The following PLCG2 variants were observed in gnomAD, a reference collection of about 807,000 sequenced individuals.
The protein encoded by PLCG2 is phospholipase C gamma 2.
PLCG2 carries 69 observed loss-of-function variants against 175.6 expected under a neutral mutation model. The observed-to-expected ratio is 0.39, with a 90% CI of 0.32 to 0.48. The LOEUF (loss-of-function observed/expected upper bound fraction) is 0.48. Ranked by LOEUF, PLCG2 falls within the 20% of genes least tolerant of loss-of-function variation. The pLI is 0.91. For missense variants in PLCG2, 1,798 were observed against 1,650.9 expected (o/e 1.09, Z -1.54); for synonymous variants, 827 against 624.0 (o/e 1.33, Z -4.85).
chr16:81,924,162 C>T (rs1415780166), intron 22 of PLCG2, among the ~76,000 whole-genome samples: 2 of 152,186 alleles, frequency 1.3e-5, no homozygotes, highest in African/African-American at 4.8e-5. Flanking sequence ...GTTTAGTTAC[C>T]ACTTCGCTTT....
At chr16:81,884,350 CAG>C (rs1908247184) in intron 9 of PLCG2, among the ~76,000 whole-genome samples, 1 of 150,560 alleles carries the variant, frequency 6.6e-6, no homozygotes, top group African/African-American at 2.4e-5. Context: ...GACTCCGTCT[CAG>C]AAAACAAAAA....
intron 2 of PLCG2, among the ~76,000 whole-genome samples, chr16:81,812,953 T>A (rs1904382487): frequency 6.6e-6 from 1 of 152,230 alleles, no homozygotes; most frequent in South Asian, 2.1e-4. Flanking sequence ...GTTGCTTGTT[T>A]TTGTCAAGTT....
intron 30 of PLCG2, among the ~76,000 whole-genome samples, chr16:81,944,524 G>A (rs151005698): frequency 3.2e-4 from 49 of 152,338 alleles, no homozygotes; most frequent in African/African-American, 1.1e-3. Context: ...ATTCAGTGTT[G>A]TGTGATCATA....
At position 81,750,663 on chromosome 16, in the gene PLCG2, A is replaced by ATTTTTTTTTTTTTTTTTTTTT. The variant is rs543220131; in HGVS notation, c.-144-5205_-144-5185dup. On this transcript the variant is annotated intron_variant, in intron 1 of 5. Transcript: ENST00000565054. The stretch of plus-strand genomic sequence containing the variant: ...TTAAAAAGCAGAATGGGGACTGGAG[A>ATTTTTTTTTTTTTTTTTTTTT]TTTTTTTTTTTTTTTTTTTTTTGAG... Among the ~76,000 whole-genome samples the ATTTTTTTTTTTTTTTTTTTTT allele has an allele frequency of 3.4e-4, 23 of 68,462 alleles. 7 individuals are homozygous for ATTTTTTTTTTTTTTTTTTTTT. Among genetic ancestry groups the ATTTTTTTTTTTTTTTTTTTTT allele is most frequent in the South Asian group, 1.4e-3 (2 of 1,432 alleles). The allele number at this position is 68,462 out of a possible 152,430, so 44.9% of individuals were successfully genotyped here.
intron 30 of PLCG2, among the ~76,000 whole-genome samples, chr16:81,940,272 G>C (rs1910886386): frequency 6.6e-6 from 1 of 152,156 alleles, no homozygotes; most frequent in South Asian, 2.1e-4. Flanking sequence ...CCCTCAAAGT[G>C]GGATGTTTAC....
rs1016764190 is a variant in PLCG2, at chr16:81,937,816, T to A, written c.3111T>A (p.Val1037=). The change falls in exon 28 of 33, where the codon GTT becomes GTA. Residue 1037 remains valine, a synonymous_variant. Coordinates refer to ENST00000564138, the MANE Select transcript of PLCG2 (RefSeq NM_002661.5). Reference sequence around the variant, plus strand: ...CTCTCAATGGGCGCACGGGCTACGTTCTGCAGCCTGAGAGCATGAGGACAG... The same window carrying A: ...CTCTCAATGGGCGCACGGGCTACGTACTGCAGCCTGAGAGCATGAGGACAG... ...LFSLNGRTGY[V]LQPESMRTEK... is the part of the protein sequence containing the mutation. 1.2e-6 allele frequency: 2 copies of A among 1,613,744 alleles called. No homozygotes were observed. Among genetic ancestry groups the A allele is most frequent in the African/African-American group, 1.3e-5 (1 of 74,916 alleles).
intron 14 of PLCG2, 37 bp downstream of exon 14, chr16:81,900,817 A>G (rs1304893422): frequency 4.4e-6 from 7 of 1,573,978 alleles, no homozygotes; most frequent in Non-Finnish European, 6.1e-6. Flanking sequence ...CTGTCCAGGG[A>G]GCCCAGTGGC....
chr16:81,815,875 A>G (rs570382771), intron 2 of PLCG2, among the ~76,000 whole-genome samples: 1 of 152,066 alleles, frequency 6.6e-6, no homozygotes, highest in East Asian at 1.9e-4. Flanking sequence ...AGCCCGGCCA[A>G]CATTGTGAAA....
At chr16:81,748,038 CT>C (rs1287481567) in intron 1 of PLCG2, among the ~76,000 whole-genome samples, 9 of 152,248 alleles carry the variant, frequency 5.9e-5, no homozygotes, top group African/African-American at 1.9e-4. Context: ...GCACACTCAG[CT>C]AATTTTTGTA....
rs111563675 is a variant in PLCG2 at position 81,866,451 on chromosome 16, C to A, written c.480-2763C>A. Among the ~76,000 whole-genome samples the A allele has an allele frequency of 1.1e-4, 8 of 73,054 alleles. 2 individuals carry two copies. The highest frequency in any genetic ancestry group is 1.3e-4 in the Non-Finnish European group (4 of 30,598). The allele number at this position is 73,054 out of a possible 152,430, so 47.9% of individuals were successfully genotyped here. Reference sequence around the variant, plus strand: ...CCACTGGGGCACCAGCATGAGAGGACGCTAGCCTCTCCCTTTCTCCCAGGA... The same window carrying A: ...CCACTGGGGCACCAGCATGAGAGGAAGCTAGCCTCTCCCTTTCTCCCAGGA... On this transcript the variant is annotated intron_variant, in intron 5 of 32. Coordinates refer to ENST00000564138, the MANE Select transcript of PLCG2 (RefSeq NM_002661.5).
At position 81,936,967 on chromosome 16, in the gene PLCG2, T is replaced by G. The variant is rs1487191889; in HGVS notation, c.3052+589T>G. On this transcript the variant is annotated intron_variant, in intron 27 of 32. Coordinates refer to ENST00000564138, the MANE Select transcript of PLCG2 (RefSeq NM_002661.5). The stretch of plus-strand genomic sequence containing the variant: ...GGCACATGTAGGTATTCCCCATTAT[T>G]TGCTGTCATAGACAGCACTGCCTTC... Among the ~76,000 whole-genome samples the G allele has an allele frequency of 2.0e-5, 3 of 152,314 alleles. No individual in the cohort carries two copies. In the South Asian group the frequency reaches 6.2e-4, roughly 32 times the overall value.
At chr16:81,830,804 G>A (rs910206381) in intron 2 of PLCG2, among the ~76,000 whole-genome samples, 2 of 151,980 alleles carry the variant, frequency 1.3e-5, no homozygotes, top group African/African-American at 4.8e-5. Flanking sequence ...AGTGGAGGGG[G>A]ATGGGAAGGG....
Position 81,917,095 on chromosome 16 carries a change from A to G in PLCG2, c.2055-2389A>G, listed in dbSNP as rs1909875966. 1.3e-5 allele frequency among the ~76,000 whole-genome samples: 2 copies of G among 152,038 alleles called. 1 individual carries two copies. The highest frequency in any genetic ancestry group is 1.3e-4 in the Admixed American group (2 of 15,266). On this transcript the variant is annotated intron_variant, in intron 19 of 32. Coordinates refer to ENST00000564138, the MANE Select transcript of PLCG2 (RefSeq NM_002661.5). ...CCTGGTAACCACCATTCTACTCTCCACTTCCGTGAGTTTAAACCTTTTTAG... is the reference window on the plus strand; with the variant it reads ...CCTGGTAACCACCATTCTACTCTCCGCTTCCGTGAGTTTAAACCTTTTTAG...
chr16:81,791,528 T>C (rs1017058530), intron 2 of PLCG2, among the ~76,000 whole-genome samples: 1 of 152,168 alleles, frequency 6.6e-6, no homozygotes, highest in African/African-American at 2.4e-5. Context: ...TCTGATACCT[T>C]AGTGGTGATG....
chr16:81,890,337 A>C (rs1908572349), intron 10 of PLCG2, among the ~76,000 whole-genome samples: 2 of 152,158 alleles, frequency 1.3e-5, no homozygotes, highest in Non-Finnish European at 2.9e-5. Context: ...CTATAAACTA[A>C]ATGTTTTCCA....
chr16:81,774,702 G>C (rs550739783), upstream of PLCG2, among the ~76,000 whole-genome samples: 82 of 152,182 alleles, frequency 5.4e-4, no homozygotes, highest in African/African-American at 1.9e-3. Context: ...GGTGGTGGAG[G>C]AGGGGAAAGG....
chr16:81,808,624 G>T (rs994354218), intron 2 of PLCG2, among the ~76,000 whole-genome samples: 4 of 152,100 alleles, frequency 2.6e-5, no homozygotes, highest in African/African-American at 9.7e-5. Flanking sequence ...CTCCTGAGTA[G>T]CTGGGACTAC....
At chr16:81,879,147 A>C (rs1907957518) in intron 7 of PLCG2, among the ~76,000 whole-genome samples, 2 of 152,094 alleles carry the variant, frequency 1.3e-5, no homozygotes, top group African/African-American at 4.8e-5. Flanking sequence ...GGGCTGAAGA[A>C]TTGCATGTGG....
At position 81,886,539 on chromosome 16, in the gene PLCG2, G is replaced by A. The variant is rs191463326; in HGVS notation, c.766-2633G>A. ...GGAAATAATGGCAGCATTTTTAATA[G>A]GAATGAAAACTTGGAAGTAATCTAA... On this transcript the variant is annotated intron_variant, in intron 9 of 32. Transcript: ENST00000564138. Among the ~76,000 whole-genome samples, 779 of 152,312 alleles carry A rather than the reference G, an allele frequency of 5.1e-3. 3 individuals are homozygous for A. Among genetic ancestry groups the A allele is most frequent in the Non-Finnish European group, 9.3e-3 (630 of 68,022 alleles).
Sources: allele counts gnomAD v4.1 joint callset (sites outside exome capture counted in the v4.1 genomes callset), GRCh38; gene constraint gnomAD v4.1.1; transcripts MANE v1.5; gene names NCBI Gene and HGNC (gene_info 2026-07-23, HGNC 2026-07-21).